Variants in DNM3 observed in about 807,000 individuals in gnomAD.
DNM3 encodes dynamin 3.
DNM3 carries 47 observed loss-of-function variants against 101.6 expected under a neutral mutation model. The ratio of observed to expected loss-of-function variants is 0.46; its 90% CI spans 0.37 to 0.59. The LOEUF is 0.59. DNM3 is among the 20% of genes least tolerant of loss of function. DNM3 has a pLI of 0.00. For missense variants in DNM3, 849 were observed against 1,085.7 expected, an observed-to-expected ratio of 0.78 and a Z score of 3.06; for synonymous variants, 385 against 387.9, an observed-to-expected ratio of 0.99 and a Z score of 0.09.
intron 13 of DNM3, among the ~76,000 whole-genome samples, chr1:172,122,249 T>C (rs867351311): frequency 6.6e-6 from 1 of 152,176 alleles, no homozygotes; most frequent in Non-Finnish European, 1.5e-5. Context: ...TATATTACAA[T>C]TTTTTCCCTG....
At chr1:172,158,308 A>T (rs1380531229) in intron 14 of DNM3, among the ~76,000 whole-genome samples, 1 of 152,014 alleles carries the variant, frequency 6.6e-6, no homozygotes, top group East Asian at 1.9e-4. Flanking sequence ...TGAGTGGTAC[A>T]ATGATGGGCA....
chr1:172,244,325 T>C (rs999987593), intron 14 of DNM3, among the ~76,000 whole-genome samples: 1 of 152,062 alleles, frequency 6.6e-6, no homozygotes, highest in African/African-American at 2.4e-5. Flanking sequence ...GCAATAAACA[T>C]ACGTGTGCAT....
intron 4 of DNM3, among the ~76,000 whole-genome samples, chr1:172,028,831 C>A (rs2048392224): frequency 6.6e-6 from 1 of 152,108 alleles, no homozygotes; most frequent in Non-Finnish European, 1.5e-5. Context: ...AATTATTAGA[C>A]ACATACACCC....
At chr1:172,100,351 C>T (rs2054548481) in intron 13 of DNM3, among the ~76,000 whole-genome samples, 1 of 152,196 alleles carries the variant, frequency 6.6e-6, no homozygotes, top group Non-Finnish European at 1.5e-5. Flanking sequence ...CATAGGATCT[C>T]TCACAGGTCT....
chr1:172,196,587 A>T (rs547045514), intron 14 of DNM3, among the ~76,000 whole-genome samples: 1 of 152,058 alleles, frequency 6.6e-6, no homozygotes, highest in Non-Finnish European at 1.5e-5. Context: ...TGACTTTTTA[A>T]TAATAGCCAT....
intron 2 of DNM3, among the ~76,000 whole-genome samples, chr1:171,946,480 G>A (rs969997697): frequency 1.3e-5 from 2 of 152,110 alleles, no homozygotes; most frequent in Non-Finnish European, 2.9e-5. Flanking sequence ...GTGTGGTGTG[G>A]TATTTGGGGA....
At chr1:172,258,832 A>C (rs1475025791) in intron 15 of DNM3, among the ~76,000 whole-genome samples, 2 of 151,800 alleles carry the variant, frequency 1.3e-5, no homozygotes, top group Non-Finnish European at 2.9e-5. Context: ...CTTGAGATCC[A>C]TCATTGTATT....
chr1:171,913,644 C>A (rs1217067046), intron 1 of DNM3, among the ~76,000 whole-genome samples: 1 of 152,170 alleles, frequency 6.6e-6, no homozygotes, highest in African/African-American at 2.4e-5. Flanking sequence ...CTTCTTGGAG[C>A]AGGGGGTGGG....
intron 2 of DNM3, among the ~76,000 whole-genome samples, chr1:171,945,880 T>C (rs1372512910): frequency 6.6e-6 from 1 of 152,136 alleles, no homozygotes; most frequent in Non-Finnish European, 1.5e-5. Flanking sequence ...GGAGAGAATG[T>C]TCTAAACAGG....
chr1:172,056,200 G>A (rs1042567139), intron 10 of DNM3, among the ~76,000 whole-genome samples: 12 of 152,186 alleles, frequency 7.9e-5, no homozygotes, highest in African/African-American at 2.7e-4. Context: ...CTACGCCCAC[G>A]GAATCTCGCT....
chr1:171,994,842 AG>A (rs938666101), intron 4 of DNM3, among the ~76,000 whole-genome samples: 37 of 152,100 alleles, frequency 2.4e-4, no homozygotes, highest in African/African-American at 8.9e-4. Flanking sequence ...GCTCTGAGTC[AG>A]GTCAAGTAAA....
At chr1:171,946,390 G>A (rs564208037) in intron 2 of DNM3, among the ~76,000 whole-genome samples, 6 of 152,316 alleles carry the variant, frequency 3.9e-5, no homozygotes, top group Admixed American at 3.9e-4. Context: ...TTACTGGAAA[G>A]CAGTCAACTT....
intron 4 of DNM3, among the ~76,000 whole-genome samples, chr1:172,000,165 G>A (rs957282181): frequency 2.0e-5 from 3 of 152,096 alleles, no homozygotes; most frequent in African/African-American, 7.2e-5. Flanking sequence ...TATTTTAGCA[G>A]TGGTGAATAG....
chr1:172,336,394 C>G (rs996663970), intron 17 of DNM3, among the ~76,000 whole-genome samples: 7 of 150,740 alleles, frequency 4.6e-5, no homozygotes, highest in African/African-American at 1.2e-4. Context: ...CATCTTTATG[C>G]ATAATTTCTC....
intron 14 of DNM3, among the ~76,000 whole-genome samples, chr1:172,233,132 G>A (rs530576353): frequency 1.3e-4 from 20 of 152,254 alleles, no homozygotes; most frequent in Admixed American, 7.8e-4. Context: ...AAAATTGATA[G>A]ACCACTAGCA....
rs568174045 is a variant in DNM3, at chr1:172,006,666, A to G, written c.589+17518A>G. ...CTTTCAACTTATTGTGGTTACCTTG[A>G]GGCTACCTGAGACAGTAGGCTTGGG... On this transcript the variant is annotated intron_variant, in intron 4 of 20. Transcript: ENST00000627582. Among the ~76,000 whole-genome samples the G allele has an allele frequency of 1.5e-4, 23 of 152,098 alleles. No homozygotes were observed. In the East Asian group the frequency reaches 4.3e-3, roughly 28 times the overall value.
At chr1:172,329,993 GT>G (rs1236626134) in intron 17 of DNM3, among the ~76,000 whole-genome samples, 4 of 152,180 alleles carry the variant, frequency 2.6e-5, no homozygotes, top group Non-Finnish European at 5.9e-5. Context: ...GTGATAGGTG[GT>G]AACGAGGAAG....
chr1:172,190,923 G>C (rs1013105123), intron 14 of DNM3, among the ~76,000 whole-genome samples: 2 of 152,138 alleles, frequency 1.3e-5, no homozygotes, highest in African/African-American at 2.4e-5. Flanking sequence ...TTAGCCTTTT[G>C]TCAGACAGGT....
At chr1:172,290,342 AT>A (rs1284445628) in intron 15 of DNM3, among the ~76,000 whole-genome samples, 2 of 152,190 alleles carry the variant, frequency 1.3e-5, no homozygotes, top group African/African-American at 4.8e-5. Flanking sequence ...TCTAGGGGAT[AT>A]TAGTGGATTA....
Sources: allele counts gnomAD v4.1 joint callset (sites outside exome capture counted in the v4.1 genomes callset), GRCh38; gene constraint gnomAD v4.1.1; transcripts MANE v1.5; gene names NCBI Gene and HGNC (gene_info 2026-07-23, HGNC 2026-07-21).